The following ANKRD28 variants were observed in gnomAD, a reference collection of about 807,000 sequenced individuals.
The protein encoded by ANKRD28 is ankyrin repeat domain 28, also known as serine/threonine-protein phosphatase 6 regulatory ankyrin repeat subunit A.
ANKRD28 carries 44 observed loss-of-function variants against 126.5 expected under a neutral mutation model. That is an observed-to-expected ratio of 0.35 (90% CI 0.27 to 0.45). The LOEUF is 0.45. Ranked by LOEUF, ANKRD28 falls within the 20% of genes least tolerant of loss-of-function variation. The pLI is 1.00. For missense variants in ANKRD28, 1,110 were observed against 1,316.6 expected, an observed-to-expected ratio of 0.84 and a Z score of 2.43; for synonymous variants, 442 against 468.5, an observed-to-expected ratio of 0.94 and a Z score of 0.73.
At chr3:15,813,047 CT>C (rs34610698) in intron 1 of ANKRD28, among the ~76,000 whole-genome samples, 42,157 of 137,420 alleles carry the variant, frequency 0.31, 7,938 homozygotes, top group East Asian at 0.6. Flanking sequence ...TAATCACCTC[CT>C]TTTTTTTTTT....
chr3:15,835,717 C>T (rs1040520458), intron 1 of ANKRD28, among the ~76,000 whole-genome samples: 8 of 152,266 alleles, frequency 5.3e-5, no homozygotes, highest in African/African-American at 1.9e-4. Context: ...TCAACTAATA[C>T]CACACTTAAG....
intron 1 of ANKRD28, 26 bp downstream of exon 1, chr3:15,796,379 T>C (rs1415899064): frequency 3.2e-6 from 4 of 1,254,486 alleles, no homozygotes; most frequent in South Asian, 1.3e-5. Context: ...TAGAATATAG[T>C]AAACATATAA....
chr3:15,700,944 T>C (rs1386307072), intron 14 of ANKRD28, among the ~76,000 whole-genome samples: 1 of 152,206 alleles, frequency 6.6e-6, no homozygotes, highest in Non-Finnish European at 1.5e-5. Flanking sequence ...TAAAGTGTAT[T>C]CATGTTCAAA....
At chr3:15,743,709 A>G (rs191028321) in intron 4 of ANKRD28, among the ~76,000 whole-genome samples, 33 of 152,330 alleles carry the variant, frequency 2.2e-4, no homozygotes, top group Admixed American at 8.5e-4. Flanking sequence ...ACAGTCATAA[A>G]TCATAGTAGT....
At chr3:15,778,313 T>G (rs1036092679) in intron 2 of ANKRD28, among the ~76,000 whole-genome samples, 3 of 152,166 alleles carry the variant, frequency 2.0e-5, no homozygotes, top group African/African-American at 7.2e-5. Flanking sequence ...AGTTCACAGT[T>G]TTAAGGGCAG....
chr3:15,735,465 A>G lies in ANKRD28; in HGVS notation c.585T>C (p.Asn195=). The change falls in exon 6 of 28, where the codon AAT becomes AAC. Residue 195 remains asparagine (N), a synonymous_variant. Transcript: ENST00000683139. ...TATCTTTCTTGTCAAAAGCATTAAT[A>G]TTGGCACCTCTAGACAAGAGTAGTT... ...MVKLLLSRGA[N]INAFDKKDRR... The G allele has an allele frequency of 6.4e-7, 1 of 1,559,666 alleles. No homozygotes were observed. The highest frequency in any genetic ancestry group is 8.7e-7 in the Non-Finnish European group (1 of 1,150,630).
chr3:15,834,876 G>A (rs2125946506), intron 1 of ANKRD28, among the ~76,000 whole-genome samples: 1 of 152,278 alleles, frequency 6.6e-6, no homozygotes, highest in African/African-American at 2.4e-5. Context: ...AAAAAGAACT[G>A]CTGATAATAC....
chr3:15,695,155 C>T, intron 16 of ANKRD28, 33 bp downstream of exon 16: 1 of 1,529,566 alleles, frequency 6.5e-7, no homozygotes, highest in Non-Finnish European at 9.0e-7. Flanking sequence ...CTGACCAATA[C>T]TAATTGGTGG....
intron 21 of ANKRD28, among the ~76,000 whole-genome samples, chr3:15,682,586 A>G (rs2067660751): frequency 1.3e-5 from 2 of 152,244 alleles, no homozygotes; most frequent in Admixed American, 1.3e-4. Flanking sequence ...TTGAATGACT[A>G]TATAAACTGA....
intron 1 of ANKRD28, among the ~76,000 whole-genome samples, chr3:15,851,678 G>C (rs1255800023): frequency 6.6e-6 from 1 of 152,192 alleles, no homozygotes; most frequent in Non-Finnish European, 1.5e-5. Context: ...AAACTGGAAT[G>C]CTCATACGCT....
At chr3:15,808,965 A>G (rs2060647948) in intron 1 of ANKRD28, among the ~76,000 whole-genome samples, 1 of 149,050 alleles carries the variant, frequency 6.7e-6, no homozygotes, top group Admixed American at 6.7e-5. Context: ...GGTCCTTTTC[A>G]CTTGGTTTTT....
intron 27 of ANKRD28, among the ~76,000 whole-genome samples, chr3:15,674,955 C>T (rs11917845): frequency 0.16 from 23,978 of 151,934 alleles, 2,814 homozygotes; most frequent in East Asian, 0.55. Flanking sequence ...GAAGGCCTGA[C>T]TATACGGAAA....
rs1440777669 is a variant in ANKRD28 at position 15,796,968 on chromosome 3, G to A, written c.-447C>T. On this transcript the variant is annotated 5_prime_UTR_variant, in exon 1 of 28. Coordinates refer to ENST00000683139, the MANE Select transcript of ANKRD28 (RefSeq NM_001349278.2). Reference sequence around the variant, plus strand: ...CTGCTGTGACAGAGATGATCACAGCGATACCCACTCTTGCCTGCAAGGTCA... The same window carrying A: ...CTGCTGTGACAGAGATGATCACAGCAATACCCACTCTTGCCTGCAAGGTCA... 2.0e-6 allele frequency: 2 copies of A among 985,246 alleles called. No homozygotes were observed. Among genetic ancestry groups the A allele is most frequent in the Non-Finnish European group, 1.2e-6 (1 of 829,970 alleles). 61.0% of individuals were successfully genotyped at this position (985,246 alleles called of 1,614,324 possible). A position where few individuals can be genotyped will look rare whatever the true frequency, so the allele number is the denominator to read the frequency against.
intron 14 of ANKRD28, among the ~76,000 whole-genome samples, chr3:15,698,714 C>G (rs1282104978): frequency 1.3e-5 from 2 of 152,136 alleles, no homozygotes; most frequent in Non-Finnish European, 2.9e-5. Flanking sequence ...GGCAGAACTA[C>G]AAACCACTGC....
At chr3:15,807,074 T>C (rs917751837) in intron 1 of ANKRD28, among the ~76,000 whole-genome samples, 1 of 152,198 alleles carries the variant, frequency 6.6e-6, no homozygotes, top group African/African-American at 2.4e-5. Context: ...TTTCCCTCTG[T>C]CAGACTCAGC....
In ANKRD28 at chr3:15,852,951, A is replaced by G. The variant is rs564695901; in HGVS notation, c.27+6426T>C. Among the ~76,000 whole-genome samples the G allele has an allele frequency of 5.3e-5, 8 of 152,188 alleles. No individual in the cohort carries two copies. In the South Asian group the frequency reaches 1.7e-3, roughly 32 times the overall value. Reference sequence around the variant, plus strand: ...CCAGACTCTACTATGTAAGCCAATCAGCATACACATAGAAGAATCCTGGTA... The same window carrying G: ...CCAGACTCTACTATGTAAGCCAATCGGCATACACATAGAAGAATCCTGGTA... On this transcript the variant is annotated intron_variant, in intron 1 of 27. Coordinates refer to the ANKRD28 transcript ENST00000399451.
intron 2 of ANKRD28, among the ~76,000 whole-genome samples, chr3:15,794,533 C>T (rs2060190635): frequency 3.3e-5 from 5 of 152,074 alleles, no homozygotes; most frequent in South Asian, 4.1e-4. Flanking sequence ...TGTTAGAGTA[C>T]GTAATGTACT....
rs187723633 is a variant in ANKRD28, at chr3:15,840,924, T to G, written c.27+18453A>C. Among the ~76,000 whole-genome samples, 7 of 152,218 alleles carry G rather than the reference T, an allele frequency of 4.6e-5. No homozygotes were observed. In the East Asian group the frequency reaches 1.4e-3, roughly 29 times the overall value. On this transcript the variant is annotated intron_variant, in intron 1 of 27. Coordinates refer to the ANKRD28 transcript ENST00000399451. ...GGGAGGCCGAGGTGGGCGGATCACT[T>G]GAGGTCAGGAGTTTGAGACAAGCCT...
chr3:15,837,468 A>G (rs2061349674), intron 1 of ANKRD28, among the ~76,000 whole-genome samples: 1 of 152,238 alleles, frequency 6.6e-6, no homozygotes, highest in Non-Finnish European at 1.5e-5. Context: ...GTATAAGTAA[A>G]TTAGAAATCA....
Sources: allele counts gnomAD v4.1 joint callset (sites outside exome capture counted in the v4.1 genomes callset), GRCh38; gene constraint gnomAD v4.1.1; transcripts MANE v1.5; gene names NCBI Gene and HGNC (gene_info 2026-07-23, HGNC 2026-07-21).